Variants in TBCK observed in about 807,000 individuals in gnomAD.
TBCK encodes TBC1 domain containing kinase, also known as TBC domain-containing protein kinase-like protein.
A neutral mutation model predicts 113.4 loss-of-function variants in TBCK; 99 were observed. The ratio of observed to expected loss-of-function variants is 0.87; its 90% CI spans 0.74 to 1.03. The LOEUF (loss-of-function observed/expected upper bound fraction) is 1.03, where lower values mean the gene tolerates loss of function less well. Ranked by LOEUF, TBCK falls within the 50% of genes least tolerant of loss-of-function variation. TBCK has a pLI of 0.00. For synonymous variants in TBCK, 369 were observed against 370.8 expected (o/e 1.00, Z 0.05); for missense variants, 1,045 against 1,061.3 (o/e 0.98, Z 0.21).
At chr4:106,244,060 G>T (rs1053441959) in intron 11 of TBCK, among the ~76,000 whole-genome samples, 3 of 152,092 alleles carry the variant, frequency 2.0e-5, no homozygotes, top group Non-Finnish European at 4.4e-5. Context: ...AACATGAATA[G>T]CAATGTTAAT....
At chr4:106,246,044 G>A (rs750809620) in intron 10 of TBCK, among the ~76,000 whole-genome samples, 3 of 152,102 alleles carry the variant, frequency 2.0e-5, no homozygotes, top group Non-Finnish European at 2.9e-5. Context: ...TAGCACATGG[G>A]GAGGCAACCA....
chr4:106,097,883 G>A (rs1367090513), intron 24 of TBCK, among the ~76,000 whole-genome samples: 3 of 152,000 alleles, frequency 2.0e-5, no homozygotes, highest in East Asian at 1.9e-4. Context: ...AAATAAAGAG[G>A]AAAATAGAAG....
intron 20 of TBCK, among the ~76,000 whole-genome samples, chr4:106,196,885 A>G (rs1754298020): frequency 6.6e-6 from 1 of 152,136 alleles, no homozygotes; most frequent in Non-Finnish European, 1.5e-5. Flanking sequence ...AAATTATTTC[A>G]GCAACTAGCT....
At chr4:106,103,776 T>C (rs530956684) in intron 24 of TBCK, among the ~76,000 whole-genome samples, 3 of 152,308 alleles carry the variant, frequency 2.0e-5, no homozygotes, top group Non-Finnish European at 4.4e-5. Flanking sequence ...AGGGGGCAAG[T>C]AAATACCACA....
chr4:106,152,955 C>T (rs1166456446), intron 23 of TBCK, among the ~76,000 whole-genome samples: 2 of 151,970 alleles, frequency 1.3e-5, no homozygotes, highest in African/African-American at 4.8e-5. Flanking sequence ...TTTGGATCTT[C>T]TCGTTTTTTG....
intron 5 of TBCK, among the ~76,000 whole-genome samples, chr4:106,257,430 C>T (rs1242103816): frequency 1.3e-5 from 2 of 152,190 alleles, no homozygotes; most frequent in South Asian, 4.1e-4. Context: ...ACCTTTTCTA[C>T]AGCTACCTCC....
chr4:106,131,608 C>T (rs1377840656), intron 23 of TBCK, among the ~76,000 whole-genome samples: 1 of 152,064 alleles, frequency 6.6e-6, no homozygotes, highest in Non-Finnish European at 1.5e-5. Context: ...AGCAAAACTC[C>T]ATCTCAAAAA....
chr4:106,296,503 A>T lies in TBCK; in HGVS notation c.194-1337T>A, dbSNP rs185714824. On this transcript the variant is annotated intron_variant, in intron 2 of 25. Transcript: ENST00000394708. ...TCAGAGTAAGAAATCTAGTATATAA[A>T]ATAGTTCAGTAATGATTGGATTAAG... Among the ~76,000 whole-genome samples, 154 of 152,202 alleles carry T rather than the reference A, an allele frequency of 1.0e-3. 2 individuals are homozygous for T. The East Asian group carries it at 0.027, about 27-fold the overall frequency.
chr4:106,240,881 A>G (rs1760033922), intron 12 of TBCK, among the ~76,000 whole-genome samples: 1 of 152,040 alleles, frequency 6.6e-6, no homozygotes, highest in Admixed American at 6.6e-5. Flanking sequence ...TAGGTCAGGG[A>G]TTAGCAAACT....
chr4:106,063,914 T>A (rs1044240199), intron 25 of TBCK, among the ~76,000 whole-genome samples: 1 of 151,934 alleles, frequency 6.6e-6, no homozygotes, highest in South Asian at 2.1e-4. Flanking sequence ...TCTATTGTTA[T>A]AAGCCACCCA....
chr4:106,092,047 A>G (rs1432019241), intron 25 of TBCK, among the ~76,000 whole-genome samples: 1 of 152,226 alleles, frequency 6.6e-6, no homozygotes, highest in East Asian at 1.9e-4. Flanking sequence ...AGCTAGACAC[A>G]GAGTGCTGAC....
intron 19 of TBCK, among the ~76,000 whole-genome samples, chr4:106,219,021 C>T (rs1757339773): frequency 6.6e-6 from 1 of 151,608 alleles, no homozygotes; most frequent in African/African-American, 2.4e-5. Flanking sequence ...ACATATACAC[C>T]ATGGAATACT....
At chr4:106,311,968 T>C (rs1179344272) in intron 1 of TBCK, among the ~76,000 whole-genome samples, 1 of 152,132 alleles carries the variant, frequency 6.6e-6, no homozygotes, top group African/African-American at 2.4e-5. Flanking sequence ...CTGTTAGTCT[T>C]CTAATTGAAA....
At chr4:106,235,573 T>C (rs1185958548) in intron 14 of TBCK, among the ~76,000 whole-genome samples, 2 of 152,000 alleles carry the variant, frequency 1.3e-5, no homozygotes, top group Admixed American at 1.3e-4. Context: ...ACTCGTATTA[T>C]ATAATTAAGA....
chr4:106,301,594 ATAT>A (rs1343051992), intron 2 of TBCK, among the ~76,000 whole-genome samples: 1 of 152,224 alleles, frequency 6.6e-6, no homozygotes, highest in Admixed American at 6.5e-5. Flanking sequence ...TAGCAAGAAA[ATAT>A]TATCATCTTT....
chr4:106,065,163 A>G (rs1383561502), intron 25 of TBCK, among the ~76,000 whole-genome samples: 4 of 152,006 alleles, frequency 2.6e-5, no homozygotes, highest in Non-Finnish European at 5.9e-5. Context: ...ACCTTTTTAT[A>G]TCCTTGTTTA....
chr4:106,225,467 TG>T (rs200497149), intron 19 of TBCK, among the ~76,000 whole-genome samples: 9 of 149,490 alleles, frequency 6.0e-5, no homozygotes, highest in South Asian at 2.1e-4. Context: ...GTCTTTTTTT[TG>T]TTTGTTTTTG....
chr4:106,050,524 A>G (rs1159612585), intron 25 of TBCK, among the ~76,000 whole-genome samples: 2 of 152,100 alleles, frequency 1.3e-5, no homozygotes, highest in Non-Finnish European at 2.9e-5. Flanking sequence ...GCTGGAAATC[A>G]GTAACAAAAG....
At chr4:106,142,344 A>T (rs1284716102) in intron 23 of TBCK, among the ~76,000 whole-genome samples, 1 of 152,220 alleles carries the variant, frequency 6.6e-6, no homozygotes, top group African/African-American at 2.4e-5. Flanking sequence ...ACAATGCTGC[A>T]GATAAAAGCT....
Sources: gnomAD v4.1 joint callset for allele counts (sites outside exome capture counted in the v4.1 genomes callset) on GRCh38, gnomAD v4.1.1 for gene constraint, MANE v1.5 for transcripts, NCBI Gene and HGNC (gene_info 2026-07-23, HGNC 2026-07-21) for gene names.